Variants in P3H2 observed in about 807,000 individuals in gnomAD.
The protein encoded by P3H2 is prolyl 3-hydroxylase 2, also known as leprecan-like 1.
In P3H2, 80 loss-of-function variants were observed where a neutral mutation model predicts 87.0. The ratio of observed to expected loss-of-function variants is 0.92; its 90% CI spans 0.77 to 1.11. The LOEUF (loss-of-function observed/expected upper bound fraction) is 1.11, where lower values mean the gene tolerates loss of function less well. P3H2 is among the 50% of genes least tolerant of loss of function. P3H2 has a pLI of 0.00. For missense variants in P3H2, 1,001 were observed against 923.9 expected, an observed-to-expected ratio of 1.08 and a Z score of -1.08; for synonymous variants, 367 against 359.3, an observed-to-expected ratio of 1.02 and a Z score of -0.24.
At position 189,969,952 on chromosome 3, in the gene P3H2, T is replaced by C; in HGVS notation, c.1893+864A>G. On this transcript the variant is annotated intron_variant, in intron 13 of 14. Transcript: ENST00000319332. Reference sequence around the variant, plus strand: ...GAGCGGCAGCAGTCGAAAATATATTTTTCTACCATTGTGTATGCTCTTTGG... The same window carrying C: ...GAGCGGCAGCAGTCGAAAATATATTCTTCTACCATTGTGTATGCTCTTTGG... 2.2e-5 allele frequency: 15 copies of C among 695,864 alleles called. No individual in the cohort carries two copies. In the South Asian group the frequency reaches 2.4e-4, roughly 11 times the overall value. 43.1% of individuals were successfully genotyped at this position (695,864 alleles called of 1,614,324 possible). A position where few individuals can be genotyped will look rare whatever the true frequency, so the allele number is the denominator to read the frequency against.
intron 1 of P3H2, among the ~76,000 whole-genome samples, chr3:190,014,204 T>C (rs1246118373): frequency 6.6e-6 from 1 of 152,214 alleles, no homozygotes; most frequent in African/African-American, 2.4e-5. Flanking sequence ...AACTAAAAGA[T>C]TGAATGAAGG....
At chr3:189,975,965 T>C (rs1723336441) in intron 8 of P3H2, among the ~76,000 whole-genome samples, 1 of 152,244 alleles carries the variant, frequency 6.6e-6, no homozygotes, top group Non-Finnish European at 1.5e-5. Context: ...GTTCACATTA[T>C]TTATTTTAGT....
At chr3:190,068,141 T>A (rs1726573836) in intron 1 of P3H2, among the ~76,000 whole-genome samples, 1 of 152,170 alleles carries the variant, frequency 6.6e-6, no homozygotes, top group Middle Eastern at 3.2e-3. Flanking sequence ...ACATTGTTTA[T>A]AAAAATTTTA....
rs372409374 is a variant in P3H2 at position 190,120,277 on chromosome 3, T to A, written c.455A>T (p.Asn152Ile). 1 of 1,611,210 alleles carries A rather than the reference T, an allele frequency of 6.2e-7. No individual in the cohort carries two copies. The highest frequency in any genetic ancestry group is 1.7e-5 in the Admixed American group (1 of 59,802). The change falls in exon 1 of 15, where the codon AAC (asparagine) becomes ATC (isoleucine). Residue 152 changes from asparagine (N) to isoleucine (I), a missense_variant. Asn to Ile is a moderately radical substitution (Grantham distance 149). Transcript: ENST00000319332. ...CTTGATGTAGGCCCGCTGCAGGTAG[T>A]TGTAGGGCACTCTGCGCTGGAAGTC... is the stretch of plus-strand genomic sequence containing the variant. The part of the protein sequence containing the change: ...RSDFQRRVPY[N>I]YLQRAYIKLN...
At chr3:189,983,757 C>T (rs763103463) in intron 7 of P3H2, among the ~76,000 whole-genome samples, 7 of 152,180 alleles carry the variant, frequency 4.6e-5, no homozygotes, top group Non-Finnish European at 1.0e-4. Context: ...ATCTGTCCTT[C>T]CTTTGTGATG....
intron 1 of P3H2, among the ~76,000 whole-genome samples, chr3:190,061,955 T>C (rs1404603507): frequency 6.6e-6 from 1 of 152,140 alleles, no homozygotes; most frequent in Non-Finnish European, 1.5e-5. Context: ...GAAAAGTATA[T>C]AAAATGCCTG....
intron 1 of P3H2, among the ~76,000 whole-genome samples, chr3:190,059,611 C>T (rs1245137429): frequency 6.6e-6 from 1 of 152,166 alleles, no homozygotes; most frequent in African/African-American, 2.4e-5. Flanking sequence ...ACGCCAGCAT[C>T]ACTCACCTTC....
rs1258553164 is a variant in P3H2 at position 190,100,260 on chromosome 3, C to G, written c.480+19992G>C. On this transcript the variant is annotated intron_variant, in intron 1 of 14. Coordinates refer to ENST00000319332, the MANE Select transcript of P3H2 (RefSeq NM_018192.4). ...CCCGCCCCCCCCGCCGCCCCCCCCCCCAAAAAAAACACTTCTATGATTGCA... is the reference window on the plus strand; with the variant it reads ...CCCGCCCCCCCCGCCGCCCCCCCCCGCAAAAAAAACACTTCTATGATTGCA... Among the ~76,000 whole-genome samples, 64 of 140,932 alleles carry G rather than the reference C, an allele frequency of 4.5e-4. 1 individual carries two copies. The highest frequency in any genetic ancestry group is 8.0e-4 in the Non-Finnish European group (52 of 64,994). 92.5% of individuals were successfully genotyped at this position (140,932 alleles called of 152,430 possible). A position where few individuals can be genotyped will look rare whatever the true frequency, so the allele number is the denominator to read the frequency against.
In P3H2 at chr3:190,035,783, T is replaced by G. The variant is rs147976250; in HGVS notation, c.481-40341A>C. ...AAATACCTTCTGTTGGGCTTTAGGC[T>G]GCTTGGGGGATTTAAAGCAAACCCA... On this transcript the variant is annotated intron_variant, in intron 1 of 14. Coordinates refer to ENST00000319332, the MANE Select transcript of P3H2 (RefSeq NM_018192.4). Among the ~76,000 whole-genome samples, 574 of 152,300 alleles carry G rather than the reference T, an allele frequency of 3.8e-3. 5 individuals carry two copies. Among genetic ancestry groups the G allele is most frequent in the African/African-American group, 0.013 (544 of 41,566 alleles).
intron 14 of P3H2, among the ~76,000 whole-genome samples, chr3:189,960,283 C>T (rs1341047514): frequency 6.6e-6 from 1 of 152,096 alleles, no homozygotes; most frequent in Non-Finnish European, 1.5e-5. Context: ...CATTGGTCAC[C>T]GTGTGAAAAA....
intron 8 of P3H2, among the ~76,000 whole-genome samples, chr3:189,976,891 T>A (rs564095482): frequency 6.6e-6 from 1 of 152,304 alleles, no homozygotes; most frequent in African/African-American, 2.4e-5. Flanking sequence ...AAAATATGCT[T>A]TTCTACAATT....
chr3:190,017,228 T>C (rs1471163434), intron 1 of P3H2, among the ~76,000 whole-genome samples: 1 of 152,130 alleles, frequency 6.6e-6, no homozygotes, highest in Non-Finnish European at 1.5e-5. Flanking sequence ...ACATGATACA[T>C]ACAGCAATGT....
intron 14 of P3H2, among the ~76,000 whole-genome samples, chr3:189,960,957 T>C (rs1232006449): frequency 6.6e-6 from 1 of 151,812 alleles, no homozygotes; most frequent in Non-Finnish European, 1.5e-5. Context: ...TTTTTTTTTT[T>C]CAAGACAGAG....
intron 1 of P3H2, among the ~76,000 whole-genome samples, chr3:190,111,468 T>G (rs1240532012): frequency 6.6e-6 from 1 of 152,132 alleles, no homozygotes; most frequent in Non-Finnish European, 1.5e-5. Context: ...AATACTAGTG[T>G]TCCATTAATG....
At chr3:190,025,921 C>T (rs897256141) in intron 1 of P3H2, among the ~76,000 whole-genome samples, 11 of 152,190 alleles carry the variant, frequency 7.2e-5, no homozygotes, top group African/African-American at 2.4e-4. Flanking sequence ...ATTTACAGTA[C>T]ACTTTTTAAA....
At chr3:190,093,650 G>A (rs1022974986) in intron 1 of P3H2, among the ~76,000 whole-genome samples, 1 of 152,072 alleles carries the variant, frequency 6.6e-6, no homozygotes, top group Non-Finnish European at 1.5e-5. Context: ...AAGAGAGAGA[G>A]TAGATGGCAC....
chr3:189,991,282 G>C (rs1236624038), intron 3 of P3H2, among the ~76,000 whole-genome samples: 1 of 152,158 alleles, frequency 6.6e-6, no homozygotes, highest in Non-Finnish European at 1.5e-5. Flanking sequence ...TTGATTTTGG[G>C]TAACTGGGTG....
rs547997403 is a variant in P3H2 at position 189,999,073 on chromosome 3, T to G, written c.481-3631A>C. On this transcript the variant is annotated intron_variant, in intron 1 of 14. Coordinates refer to ENST00000319332, the MANE Select transcript of P3H2 (RefSeq NM_018192.4). ...TGGCCCAGGGGTTGGGGACCCCTCC[T>G]ATAAGGTACTAAAAGTTTGTACATT... is the stretch of plus-strand genomic sequence containing the variant. Among the ~76,000 whole-genome samples the G allele has an allele frequency of 8.5e-5, 13 of 152,314 alleles. No individual in the cohort carries two copies. The East Asian group carries it at 2.5e-3, about 29-fold the overall frequency.
Position 189,972,007 on chromosome 3 carries a change from C to A in P3H2, c.1700G>T (p.Gly567Val), listed in dbSNP as rs760338105. The A allele has an allele frequency of 2.1e-5, 34 of 1,592,406 alleles. No individual in the cohort carries two copies. Among genetic ancestry groups the A allele is most frequent in the Non-Finnish European group, 2.6e-5 (30 of 1,160,432 alleles). The change falls in exon 12 of 15, where the codon GGT (glycine) becomes GTT (valine). Residue 567 changes from glycine to valine, a missense_variant and splice_region_variant. Gly to Val is a moderately radical substitution (Grantham distance 109). Coordinates refer to ENST00000319332, the MANE Select transcript of P3H2 (RefSeq NM_018192.4). ...THMVCRTALS[G>V]QQDRRNDLSH... ...GAGGTCATTTCTTCTATCCTGCTGA[C>A]CTGCCAGAAAAGGGAATAGGGAAGA...
Sources: allele counts gnomAD v4.1 joint callset (sites outside exome capture counted in the v4.1 genomes callset), GRCh38; gene constraint gnomAD v4.1.1; transcripts MANE v1.5; gene names NCBI Gene and HGNC (gene_info 2026-07-23, HGNC 2026-07-21).